The following CTTNBP2 variants were observed in gnomAD, a reference collection of about 807,000 sequenced individuals.
The protein encoded by CTTNBP2 is cortactin binding protein 2.
Under a neutral mutation model 156.9 loss-of-function variants are expected in CTTNBP2, and 108 were observed. The observed-to-expected ratio is 0.69, with a 90% confidence interval of 0.59 to 0.81. The LOEUF (loss-of-function observed/expected upper bound fraction) is 0.81. Ranked by LOEUF, CTTNBP2 falls within the 30% of genes least tolerant of loss-of-function variation. CTTNBP2 has a pLI of 0.00. For missense variants in CTTNBP2, 1,924 were observed against 2,035.4 expected (o/e 0.95, Z 1.05); for synonymous variants, 767 against 751.8 (o/e 1.02, Z -0.33).
intron 8 of CTTNBP2, among the ~76,000 whole-genome samples, chr7:117,775,224 T>C (rs531982462): frequency 1.3e-5 from 2 of 152,252 alleles, no homozygotes; most frequent in East Asian, 1.9e-4. Flanking sequence ...TGTGTGAATA[T>C]TGGCAGTCAT....
chr7:117,716,259 T>G (rs1343794589), intron 22 of CTTNBP2, among the ~76,000 whole-genome samples: 1 of 148,532 alleles, frequency 6.7e-6, no homozygotes, highest in African/African-American at 2.5e-5. Flanking sequence ...CAGTACCTTA[T>G]TGTAGCAACT....
intron 5 of CTTNBP2, among the ~76,000 whole-genome samples, 176 bp from the exon 6 acceptor site, chr7:117,783,137 C>A (rs1249541294): frequency 6.6e-6 from 1 of 152,084 alleles, no homozygotes; most frequent in African/African-American, 2.4e-5. Context: ...GGAAAAGCAG[C>A]CAATTTTCCC....
At chr7:117,815,928 C>T (rs879845245) in intron 2 of CTTNBP2, among the ~76,000 whole-genome samples, 2 of 152,110 alleles carry the variant, frequency 1.3e-5, no homozygotes, top group African/African-American at 2.4e-5. Flanking sequence ...ATTTAACTGA[C>T]GCATCCAACC....
intron 2 of CTTNBP2, among the ~76,000 whole-genome samples, chr7:117,819,529 T>C (rs1307494436): frequency 3.3e-5 from 5 of 152,002 alleles, no homozygotes; most frequent in Admixed American, 1.3e-4. Context: ...AGAAATTCAC[T>C]GGCCAGGAAT....
intron 2 of CTTNBP2, among the ~76,000 whole-genome samples, chr7:117,832,825 C>T (rs1346766401): frequency 1.4e-5 from 2 of 147,260 alleles, no homozygotes; most frequent in African/African-American, 5.1e-5. Context: ...CAGCTCACTG[C>T]AACCTCTGCC....
chr7:117,802,437 C>CAAAAAA (rs759797673), intron 3 of CTTNBP2, among the ~76,000 whole-genome samples: 206 of 82,166 alleles, frequency 2.5e-3, no homozygotes, highest in East Asian at 7.9e-3. Flanking sequence ...TCAGCATTGG[C>CAAAAAA]AAAAAAAAAA....
intron 2 of CTTNBP2, among the ~76,000 whole-genome samples, chr7:117,812,236 G>T (rs1201221360): frequency 6.6e-6 from 1 of 151,900 alleles, no homozygotes; most frequent in East Asian, 1.9e-4. Flanking sequence ...TGTATTAAAA[G>T]CTAGCAACAT....
chr7:117,810,864 G>C lies in CTTNBP2; in HGVS notation c.315C>G (p.Thr105=), dbSNP rs1475627710. 2 of 1,613,930 alleles carry C rather than the reference G, an allele frequency of 1.2e-6. No homozygotes were observed. Among genetic ancestry groups the C allele is most frequent in the Non-Finnish European group, 1.7e-6 (2 of 1,179,978 alleles). The change falls in exon 3 of 23, where the codon ACC becomes ACG. Residue 105 remains threonine (T), a synonymous_variant. Coordinates refer to ENST00000160373, the MANE Select transcript of CTTNBP2 (RefSeq NM_033427.3). ...AGDKEKKPVC[T]NPLSILEAVM... The stretch of plus-strand genomic sequence containing the variant: ...CTGCTTCAAGGATGGAGAGGGGGTT[G>C]GTACAAACTGGCTTCTTCTCTTTGT...
chr7:117,777,663 C>T lies in CTTNBP2; in HGVS notation c.2626G>A (p.Glu876Lys). 1 of 1,614,116 alleles carries T rather than the reference C, an allele frequency of 6.2e-7. No homozygotes were observed. Among genetic ancestry groups the T allele is most frequent in the Admixed American group, 1.7e-5 (1 of 60,012 alleles). ...RIPAHGNSFNEEESESSVFDL... is the reference protein window; with the variant it reads ...RIPAHGNSFNKEESESSVFDL... Reference sequence around the variant, plus strand: ...AAGACACTTGACTCGGACTCCTCCTCATTGAAAGAATTTCCATGAGCTGGT... The same window carrying T: ...AAGACACTTGACTCGGACTCCTCCTTATTGAAAGAATTTCCATGAGCTGGT... Residue 876 changes from glutamate (E) to lysine (K), a missense_variant, in exon 8 of 23, where the codon GAG (glutamate) becomes AAG (lysine). Coordinates refer to ENST00000160373, the MANE Select transcript of CTTNBP2 (RefSeq NM_033427.3).
At chr7:117,838,031 T>A (rs1035287357) in intron 2 of CTTNBP2, among the ~76,000 whole-genome samples, 2 of 152,190 alleles carry the variant, frequency 1.3e-5, no homozygotes, top group Non-Finnish European at 2.9e-5. Context: ...ACTCATGGGT[T>A]AAAGCCACAA....
intron 1 of CTTNBP2, chr7:117,871,939 C>G (rs978520664): frequency 4.7e-5 from 46 of 984,328 alleles, no homozygotes; most frequent in Non-Finnish European, 5.3e-5. Flanking sequence ...CAAATCATTT[C>G]CACTTGCCAG....
At chr7:117,740,520 G>A (rs763292464) in intron 14 of CTTNBP2, among the ~76,000 whole-genome samples, 38 of 152,304 alleles carry the variant, frequency 2.5e-4, no homozygotes, top group African/African-American at 3.6e-4. Flanking sequence ...TCAGGAGTAC[G>A]TGTAGAATAC....
intron 14 of CTTNBP2, among the ~76,000 whole-genome samples, chr7:117,737,752 TG>T (rs1795785737): frequency 6.6e-6 from 1 of 152,086 alleles, no homozygotes; most frequent in Non-Finnish European, 1.5e-5. Flanking sequence ...AATTTTTTTT[TG>T]TATTTTTAAT....
intron 22 of CTTNBP2, among the ~76,000 whole-genome samples, chr7:117,717,135 T>G (rs185189935): frequency 5.3e-4 from 81 of 152,354 alleles, no homozygotes; most frequent in African/African-American, 1.8e-3. Context: ...AATACCATGC[T>G]GTGCCAGCTC....
chr7:117,755,479 A>T (rs1584949494), intron 12 of CTTNBP2: 1 of 448,874 alleles, frequency 2.2e-6, no homozygotes, highest in East Asian at 7.2e-5. Flanking sequence ...TTTCAGATTG[A>T]TCTCATACAC....
Position 117,757,954 on chromosome 7 carries a change from T to G in CTTNBP2, c.3189A>C (p.Ser1063=), listed in dbSNP as rs1313640306. 3 of 1,613,014 alleles carry G rather than the reference T, an allele frequency of 1.9e-6. No individual in the cohort carries two copies. Among genetic ancestry groups the G allele is most frequent in the Non-Finnish European group, 2.5e-6 (3 of 1,179,612 alleles). Residue 1063 remains serine (S), a synonymous_variant, in exon 11 of 23, where the codon TCA becomes TCC. Coordinates refer to ENST00000160373, the MANE Select transcript of CTTNBP2 (RefSeq NM_033427.3). ...GGGACTGCGCGAAGCTCTGACCCAC[T>G]GACCACGGCACATTTCCTAGTTTCA... The part of the protein sequence containing the change: ...RSITLGNVPW[S]VGQSFAQSPW...
intron 4 of CTTNBP2, 76 bp from the exon 5 acceptor site, chr7:117,784,530 T>A: frequency 2.0e-6 from 2 of 1,015,320 alleles, no homozygotes; most frequent in Non-Finnish European, 2.9e-6. Context: ...CTTTCTGAAT[T>A]ACACACACAC....
intron 8 of CTTNBP2, among the ~76,000 whole-genome samples, chr7:117,768,459 C>T (rs1490687352): frequency 6.7e-6 from 1 of 149,976 alleles, no homozygotes; most frequent in Non-Finnish European, 1.5e-5. Context: ...CCAGCTACCC[C>T]GGAGGCTAAG....
At chr7:117,782,699 T>C (rs906580563) in intron 6 of CTTNBP2, among the ~76,000 whole-genome samples, 163 bp downstream of exon 6, 6 of 152,208 alleles carry the variant, frequency 3.9e-5, no homozygotes, top group African/African-American at 1.4e-4. Flanking sequence ...AGAGCAAATT[T>C]AGAATCCTAG....
Sources: allele counts gnomAD v4.1 joint callset (sites outside exome capture counted in the v4.1 genomes callset), GRCh38; gene constraint gnomAD v4.1.1; transcripts MANE v1.5; gene names NCBI Gene and HGNC (gene_info 2026-07-23, HGNC 2026-07-21).